SLC66A3: variants seen among roughly 807,000 people sequenced by gnomAD.
SLC66A3 encodes the protein solute carrier family 66 member 3.
SLC66A3 carries 23 observed loss-of-function variants against 25.5 expected under a neutral mutation model. The ratio of observed to expected loss-of-function variants is 0.90; its 90% CI spans 0.65 to 1.28. SLC66A3 has a LOEUF of 1.28. SLC66A3 is among the 50% of genes most tolerant of loss of function. The pLI is 0.00. For synonymous variants in SLC66A3, 108 were observed against 112.6 expected (o/e 0.96, Z 0.26); for missense variants, 246 against 262.1 (o/e 0.94, Z 0.42).
Position 11,177,976 on chromosome 2 carries a change from G to A in SLC66A3, c.*148G>A. The A allele has an allele frequency of 3.4e-6, 2 of 592,056 alleles. No individual in the cohort carries two copies. Among genetic ancestry groups the A allele is most frequent in the Admixed American group, 3.2e-5 (1 of 31,272 alleles). 36.7% of individuals were successfully genotyped at this position (592,056 alleles called of 1,614,324 possible). A position where few individuals can be genotyped will look rare whatever the true frequency, so the allele number is the denominator to read the frequency against. Reference sequence around the variant, plus strand: ...GGTTTTTTTAGACTTGAAAGAAAGAGCCACTTAAATTCTTGTTTAAAAATA... The same window carrying A: ...GGTTTTTTTAGACTTGAAAGAAAGAACCACTTAAATTCTTGTTTAAAAATA... On this transcript the variant is annotated 3_prime_UTR_variant, in exon 7 of 7. Transcript: ENST00000295083.
chr2:11,166,014 G>A (rs927630383), intron 4 of SLC66A3, among the ~76,000 whole-genome samples: 1 of 151,834 alleles, frequency 6.6e-6, no homozygotes, highest in Non-Finnish European at 1.5e-5. Flanking sequence ...TGGAAAGAGA[G>A]GGAGAGGGAG....
Position 11,166,718 on chromosome 2 carries a change from T to A in SLC66A3, c.354+2457T>A, listed in dbSNP as rs568281301. Among the ~76,000 whole-genome samples, 8 of 151,786 alleles carry A rather than the reference T, an allele frequency of 5.3e-5. No homozygotes were observed. The South Asian group carries it at 1.7e-3, about 31-fold the overall frequency. The stretch of plus-strand genomic sequence containing the variant: ...CCAGCCTGGCCAACAGGCGAAACCC[T>A]GTTCTCTACTAAAAGAAAATACAAA... On this transcript the variant is annotated intron_variant, in intron 4 of 6. Coordinates refer to ENST00000295083, the MANE Select transcript of SLC66A3 (RefSeq NM_152391.5).
At chr2:11,156,131 ATCTCT>A (rs1292834121) in intron 1 of SLC66A3, among the ~76,000 whole-genome samples, 3 of 152,118 alleles carry the variant, frequency 2.0e-5, no homozygotes, top group Non-Finnish European at 2.9e-5. Context: ...GAATGTATGA[ATCTCT>A]TCTCTTCTCC....
At chr2:11,171,135 T>G (rs745980279) in intron 4 of SLC66A3, among the ~76,000 whole-genome samples, 46 of 152,040 alleles carry the variant, frequency 3.0e-4, no homozygotes, top group Non-Finnish European at 5.0e-4. Flanking sequence ...CTGGCCAATG[T>G]GGCGAAACCC....
chr2:11,171,959 T>C lies in SLC66A3; in HGVS notation c.389T>C (p.Phe130Ser). The change falls in exon 5 of 7, where the codon TTT becomes TCT. Residue 130 changes from phenylalanine (F) to serine (S), a missense_variant. Phe to Ser is a radical substitution (Grantham distance 155, BLOSUM62 -2). Coordinates refer to ENST00000295083, the MANE Select transcript of SLC66A3 (RefSeq NM_152391.5). ...ACTTTCATCAGCGCGGCCAGTAAGT[T>C]TGCACAGCTCCAGTGTCTGTGGAAG... ...LCTFISAASK[F>S]AQLQCLWKTR... 4 of 1,614,058 alleles carry C rather than the reference T, an allele frequency of 2.5e-6. No individual in the cohort carries two copies. Among genetic ancestry groups the C allele is most frequent in the Non-Finnish European group, 3.4e-6 (4 of 1,179,970 alleles).
chr2:11,160,744 G>C lies in SLC66A3; in HGVS notation c.296+50G>C, dbSNP rs375308865. On this transcript the variant is annotated intron_variant, in intron 3 of 6. Transcript: ENST00000295083. ...AAGTGGGAACGGGGATGTTATTTGT[G>C]AATGGTATGCATTGTGAAGCAGGCT... 279 of 1,612,454 alleles carry C rather than the reference G, an allele frequency of 1.7e-4. 1 individual carries two copies. The East Asian group carries it at 3.3e-3, about 19-fold the overall frequency.
In SLC66A3 at chr2:11,177,719, C is replaced by CTTT; in HGVS notation, c.518-10_518-8dup. The CTTT allele has an allele frequency of 2.2e-6, 3 of 1,366,396 alleles. No individual in the cohort carries two copies. The highest frequency in any genetic ancestry group is 2.0e-6 in the Non-Finnish European group (2 of 992,906). 84.6% of individuals were successfully genotyped at this position (1,366,396 alleles called of 1,614,324 possible). A position where few individuals can be genotyped will look rare whatever the true frequency, so the allele number is the denominator to read the frequency against. On this transcript the variant is annotated splice_polypyrimidine_tract_variant and intron_variant, in intron 6 of 6. Transcript: ENST00000295083. ...TATTGTAAAGACAGTTTTTAATACA[C>CTTT]TTTTTTTTTTATTTCAGTTCTTCTA...
intron 4 of SLC66A3, among the ~76,000 whole-genome samples, chr2:11,168,198 T>G (rs893370060): frequency 2.7e-5 from 4 of 150,686 alleles, no homozygotes; most frequent in Admixed American, 6.6e-5. Flanking sequence ...GGCAGGAGAA[T>G]GGCGTGAACC....
intron 4 of SLC66A3, among the ~76,000 whole-genome samples, chr2:11,167,981 C>A (rs1227241757): frequency 6.6e-6 from 1 of 152,146 alleles, no homozygotes. Flanking sequence ...GATTAAAGTA[C>A]TTAAAAATGA....
chr2:11,172,699 T>A, intron 5 of SLC66A3: 1 of 416,718 alleles, frequency 2.4e-6, no homozygotes, highest in Non-Finnish European at 4.9e-6. Flanking sequence ...ACAAGTTACT[T>A]GTCTTAATTA....
At chr2:11,170,529 AGTTT>A (rs35450903) in intron 4 of SLC66A3, among the ~76,000 whole-genome samples, 65,568 of 151,292 alleles carry the variant, frequency 0.43, 14,754 homozygotes, top group South Asian at 0.52. Context: ...TTGCTGCTGG[AGTTT>A]GTTTGTCAGT....
At chr2:11,169,194 C>T (rs1482687966) in intron 4 of SLC66A3, among the ~76,000 whole-genome samples, 2 of 152,092 alleles carry the variant, frequency 1.3e-5, no homozygotes, top group Non-Finnish European at 2.9e-5. Flanking sequence ...CAAGTGACGC[C>T]TTCTCTCCTC....
In SLC66A3 at chr2:11,171,946, G is replaced by A. The variant is rs377760258; in HGVS notation, c.376G>A (p.Ala126Thr). ...LAMNLCTFIS[A>T]ASKFAQLQCL... is the part of the protein sequence containing the mutation. ...ACAGAATCTATGTACTTTCATCAGC[G>A]CGGCCAGTAAGTTTGCACAGCTCCA... The change falls in exon 5 of 7, where the codon GCG (alanine) becomes ACG (threonine). Residue 126 changes from alanine (A) to threonine (T), a missense_variant. Physicochemically the swap from Ala to Thr is moderately conservative, Grantham distance 58. Coordinates refer to ENST00000295083, the MANE Select transcript of SLC66A3 (RefSeq NM_152391.5). The A allele has an allele frequency of 2.2e-5, 35 of 1,613,810 alleles. No individual in the cohort carries two copies. The highest frequency in any genetic ancestry group is 1.6e-4 in the Middle Eastern group (1 of 6,084).
intron 1 of SLC66A3, among the ~76,000 whole-genome samples, chr2:11,157,598 C>G (rs1661953161): frequency 6.6e-6 from 1 of 152,252 alleles, no homozygotes; most frequent in African/African-American, 2.4e-5. Flanking sequence ...GCAGAAGGAA[C>G]CCCAGGGCTG....
Position 11,165,309 on chromosome 2 carries a change from G to A in SLC66A3, c.354+1048G>A, listed in dbSNP as rs546678140. Among the ~76,000 whole-genome samples the A allele has an allele frequency of 1.0e-4, 15 of 148,086 alleles. 1 individual carries two copies. Among genetic ancestry groups the A allele is most frequent in the Admixed American group, 2.7e-4 (4 of 15,038 alleles). ...GGGCTCCTCACTTCTCAGACTGGGC[G>A]GCGGGGCAGAGGCGCTCCCCACATC... is the stretch of plus-strand genomic sequence containing the variant. On this transcript the variant is annotated intron_variant, in intron 4 of 6. Transcript: ENST00000295083.
At chr2:11,161,234 G>C (rs1439281694) in intron 3 of SLC66A3, among the ~76,000 whole-genome samples, 2 of 151,016 alleles carry the variant, frequency 1.3e-5, no homozygotes, top group African/African-American at 4.9e-5. Context: ...CTAGTTGAAC[G>C]TCACACTCCT....
In SLC66A3 at chr2:11,165,077, C is replaced by T. The variant is rs180858390; in HGVS notation, c.354+816C>T. ...CCTCCCAGACGGGGTGGCGGCCGGG[C>T]AGAGGGGTCCTCACTTCCCAGAAGG... On this transcript the variant is annotated intron_variant, in intron 4 of 6. Transcript: ENST00000295083. 6.0e-3 allele frequency among the ~76,000 whole-genome samples: 906 copies of T among 152,198 alleles called. 7 individuals carry two copies. Among genetic ancestry groups the T allele is most frequent in the Non-Finnish European group, 9.4e-3 (641 of 67,996 alleles).
intron 6 of SLC66A3, 104 bp from the exon 7 acceptor site, chr2:11,177,633 G>A (rs761250902): frequency 2.1e-5 from 14 of 652,056 alleles, no homozygotes; most frequent in African/African-American, 9.3e-5. Flanking sequence ...TGTTCATTTC[G>A]GAGGTTGGGG....
chr2:11,156,237 T>C (rs1269025419), intron 1 of SLC66A3, among the ~76,000 whole-genome samples: 1 of 152,206 alleles, frequency 6.6e-6, no homozygotes, highest in East Asian at 1.9e-4. Flanking sequence ...GAAAGAAGTT[T>C]CCTTAGTCAT....
Sources: gnomAD v4.1 joint callset for allele counts (sites outside exome capture counted in the v4.1 genomes callset) on GRCh38, gnomAD v4.1.1 for gene constraint, MANE v1.5 for transcripts, NCBI Gene and HGNC (gene_info 2026-07-23, HGNC 2026-07-21) for gene names.